The following MGMT variants were observed in gnomAD, a reference collection of about 807,000 sequenced individuals.
MGMT encodes methylated-DNA--protein-cysteine methyltransferase.
A neutral mutation model predicts 15.9 loss-of-function variants in MGMT; 14 were observed. That is an observed-to-expected ratio of 0.88 (90% CI 0.58 to 1.37). The LOEUF (loss-of-function observed/expected upper bound fraction) is 1.37. MGMT is among the 40% of genes most tolerant of loss of function. MGMT has a pLI of 0.00. For synonymous variants in MGMT, 130 were observed against 118.2 expected (o/e 1.10, Z -0.65); for missense variants, 282 against 268.1 (o/e 1.05, Z -0.36).
At chr10:129,537,126 C>T (rs1443827436) in intron 2 of MGMT, 1 of 147,948 alleles carries the variant, frequency 6.8e-6, no homozygotes, top group African/African-American at 2.5e-5. Context: ...AATTGTAGCT[C>T]TTGTTATTTC....
At chr10:129,481,803 A>T (rs1339818788) in intron 1 of MGMT, among the ~76,000 whole-genome samples, 1 of 152,072 alleles carries the variant, frequency 6.6e-6, no homozygotes, top group Non-Finnish European at 1.5e-5. Context: ...TATTCCTGAT[A>T]TTGGTAATTT....
chr10:129,648,447 T>C (rs1395455774), intron 2 of MGMT, among the ~76,000 whole-genome samples: 2 of 152,182 alleles, frequency 1.3e-5, no homozygotes, highest in Non-Finnish European at 2.9e-5. Flanking sequence ...CAAATTTTTA[T>C]GTTGAAAGTA....
intron 2 of MGMT, among the ~76,000 whole-genome samples, chr10:129,575,366 C>G (rs1394599585): frequency 2.0e-5 from 3 of 151,972 alleles, no homozygotes; most frequent in Non-Finnish European, 4.4e-5. Context: ...AACTAGAACT[C>G]AGGATTAAGA....
intron 1 of MGMT, among the ~76,000 whole-genome samples, chr10:129,487,608 A>G (rs925233150): frequency 2.6e-5 from 4 of 151,906 alleles, no homozygotes; most frequent in African/African-American, 9.7e-5. Context: ...TACACACACT[A>G]TATATGAAAT....
chr10:129,598,850 A>G (rs1376030019), intron 2 of MGMT, among the ~76,000 whole-genome samples: 1 of 152,200 alleles, frequency 6.6e-6, no homozygotes, highest in Non-Finnish European at 1.5e-5. Flanking sequence ...GAGCCTCTTC[A>G]GGTGCTGAAC....
chr10:129,745,095 G>T (rs1052154772), intron 3 of MGMT, among the ~76,000 whole-genome samples: 1 of 152,152 alleles, frequency 6.6e-6, no homozygotes, highest in African/African-American at 2.4e-5. Context: ...CTCGTAGAGG[G>T]AAAGATTTTG....
chr10:129,656,320 G>A (rs898496153), intron 2 of MGMT, among the ~76,000 whole-genome samples: 1 of 152,194 alleles, frequency 6.6e-6, no homozygotes, highest in Non-Finnish European at 1.5e-5. Context: ...GTGAACATGG[G>A]CTTCAGCCCC....
chr10:129,627,468 C>T (rs1034936430), intron 2 of MGMT, among the ~76,000 whole-genome samples: 2 of 152,106 alleles, frequency 1.3e-5, no homozygotes, highest in African/African-American at 4.8e-5. Flanking sequence ...TTCAGTTTTT[C>T]GCCCCCGAGT....
intron 3 of MGMT, among the ~76,000 whole-genome samples, chr10:129,742,058 C>T (rs1437282395): frequency 2.0e-5 from 3 of 152,174 alleles, no homozygotes; most frequent in Admixed American, 6.5e-5. Context: ...GAAATTGGCT[C>T]CCAAAATGCT....
intron 1 of MGMT, among the ~76,000 whole-genome samples, chr10:129,469,267 TAATAA>T (rs1023223119): frequency 7.2e-5 from 11 of 152,200 alleles, no homozygotes; most frequent in African/African-American, 2.4e-4. Flanking sequence ...CAGTATTTTA[TAATAA>T]AATAAAGTTA....
chr10:129,500,841 G>A (rs1845567792), intron 1 of MGMT, among the ~76,000 whole-genome samples: 2 of 152,100 alleles, frequency 1.3e-5, no homozygotes, highest in African/African-American at 2.4e-5. Flanking sequence ...ATGAGCCACC[G>A]CACGCAGCCC....
rs188402399 is a variant in MGMT at position 129,647,002 on chromosome 10, G to A, written c.126-60893G>A. Among the ~76,000 whole-genome samples, 419 of 151,844 alleles carry A rather than the reference G, an allele frequency of 2.8e-3. 2 individuals carry two copies. The highest frequency in any genetic ancestry group is 9.3e-3 in the African/African-American group (385 of 41,422). ...TTAGACCTGAGAAGAGGAAATGAGG[G>A]GCAGTTCCCTTCCATTTTCCTCCCA... On this transcript the variant is annotated intron_variant, in intron 2 of 4. Transcript: ENST00000651593.
chr10:129,760,368 GTCTTC>G (rs1848858778), intron 4 of MGMT, among the ~76,000 whole-genome samples: 1 of 152,222 alleles, frequency 6.6e-6, no homozygotes, highest in Non-Finnish European at 1.5e-5. Flanking sequence ...CGTTGGCAGT[GTCTTC>G]TCCCGAAAGC....
intron 1 of MGMT, among the ~76,000 whole-genome samples, chr10:129,530,774 C>A (rs556501179): frequency 6.6e-6 from 1 of 152,354 alleles, no homozygotes; most frequent in African/African-American, 2.4e-5. Flanking sequence ...GTGTCCCCCA[C>A]GCCTCTCCAG....
intron 2 of MGMT, among the ~76,000 whole-genome samples, chr10:129,539,588 G>A (rs1456532900): frequency 6.6e-6 from 1 of 152,098 alleles, no homozygotes; most frequent in Non-Finnish European, 1.5e-5. Context: ...CTCACTGCAA[G>A]CTGTGCCTCC....
Position 129,770,535 on chromosome 10 carries a change from C to T in MGMT, c.*3538C>T, listed in dbSNP as rs971649845. Among the ~76,000 whole-genome samples, 10 of 152,230 alleles carry T rather than the reference C, an allele frequency of 6.6e-5. No homozygotes were observed. Among genetic ancestry groups the T allele is most frequent in the African/African-American group, 1.9e-4 (8 of 41,458 alleles). On this transcript the variant is annotated 3_prime_UTR_variant, in exon 5 of 5. Coordinates refer to ENST00000651593, the MANE Select transcript of MGMT (RefSeq NM_002412.5). ...CTGTCCATGCACCCGTAGCTGTGAC[C>T]ATGGGCGGTGGCGCCAGCTCGGACT...
At chr10:129,576,982 T>C (rs1289292157) in intron 2 of MGMT, among the ~76,000 whole-genome samples, 1 of 152,088 alleles carries the variant, frequency 6.6e-6, no homozygotes, top group Non-Finnish European at 1.5e-5. Flanking sequence ...TTACAAGGGA[T>C]GTGAAGGACC....
At chr10:129,517,140 G>T (rs1043935924) in intron 1 of MGMT, among the ~76,000 whole-genome samples, 7 of 152,186 alleles carry the variant, frequency 4.6e-5, no homozygotes, top group Non-Finnish European at 1.0e-4. Flanking sequence ...CTTAGAATGG[G>T]AGGAGAGGTC....
At chr10:129,745,562 T>C (rs956818903) in intron 3 of MGMT, among the ~76,000 whole-genome samples, 1 of 152,274 alleles carries the variant, frequency 6.6e-6, no homozygotes, top group Non-Finnish European at 1.5e-5. Context: ...TCCAAGTTGT[T>C]GCATGTATCT....
Sources: gnomAD v4.1 joint callset for allele counts (sites outside exome capture counted in the v4.1 genomes callset) on GRCh38, gnomAD v4.1.1 for gene constraint, MANE v1.5 for transcripts, NCBI Gene and HGNC (gene_info 2026-07-23, HGNC 2026-07-21) for gene names.